Variants in SPI1 observed in about 807,000 individuals in gnomAD.
SPI1 encodes Spi-1 proto-oncogene, also known as transcription factor PU.1.
SPI1 carries 3 observed loss-of-function variants against 30.7 expected under a neutral mutation model. That is an observed-to-expected ratio of 0.10 (90% CI 0.04 to 0.25). The LOEUF is 0.25. Ranked by LOEUF, SPI1 falls within the 10% of genes least tolerant of loss-of-function variation. SPI1 has a pLI of 1.00. For synonymous variants in SPI1, 169 were observed against 157.1 expected (o/e 1.08, Z -0.56); for missense variants, 261 against 371.5 (o/e 0.70, Z 2.45).
chr11:47,364,998 C>T (rs893757083), intron 2 of SPI1, among the ~76,000 whole-genome samples: 2 of 152,168 alleles, frequency 1.3e-5, no homozygotes, highest in African/African-American at 4.8e-5. Context: ...CAATGGATAC[C>T]TCGCCTTTAC....
chr11:47,369,422 T>A (rs1461731306), intron 2 of SPI1, among the ~76,000 whole-genome samples: 1 of 152,102 alleles, frequency 6.6e-6, no homozygotes, highest in African/African-American at 2.4e-5. Flanking sequence ...ATGTTCTTTT[T>A]TCCAGCTCCT....
At chr11:47,358,347 C>T (rs1202666503) in intron 4 of SPI1, 5 of 587,660 alleles carry the variant, frequency 8.5e-6, no homozygotes, top group Non-Finnish European at 1.5e-5. Context: ...CACATCCCTG[C>T]TCACACAGGC....
rs566112239 is a variant in SPI1 at position 47,368,346 on chromosome 11, C to T, written c.142+7287G>A. Reference sequence around the variant, plus strand: ...TACCACTCCACTCCAGCCTGGGTGACAGGGTGAGACTCCGTCTCAAAAAAA... The same window carrying T: ...TACCACTCCACTCCAGCCTGGGTGATAGGGTGAGACTCCGTCTCAAAAAAA... On this transcript the variant is annotated intron_variant, in intron 2 of 4. Transcript: ENST00000378538. 5.3e-5 allele frequency among the ~76,000 whole-genome samples: 8 copies of T among 152,244 alleles called. No individual in the cohort carries two copies. In the South Asian group the frequency reaches 1.7e-3, roughly 32 times the overall value.
Position 47,375,787 on chromosome 11 carries a change from G to A in SPI1, c.46-58C>T, listed in dbSNP as rs1595864481. 1.4e-6 allele frequency: 2 copies of A among 1,403,904 alleles called. No individual in the cohort carries two copies. Among genetic ancestry groups the A allele is most frequent in the East Asian group, 2.3e-5 (1 of 43,802 alleles). 87.0% of individuals were successfully genotyped at this position (1,403,904 alleles called of 1,614,324 possible). ...ATGGTGGGAGACCCCAGCCAGGCCTGCAGCACCCCCGCACGCTGGGTCCCC... is the reference window on the plus strand; with the variant it reads ...ATGGTGGGAGACCCCAGCCAGGCCTACAGCACCCCCGCACGCTGGGTCCCC... On this transcript the variant is annotated intron_variant, in intron 1 of 4. Transcript: ENST00000378538. The surrounding 1 kb of genome is among the most constrained non-coding windows in gnomAD (Gnocchi z 4.2).
intron 4 of SPI1, among the ~76,000 whole-genome samples, chr11:47,357,661 G>C (rs11039199): frequency 0.26 from 39,396 of 152,184 alleles, 5,916 homozygotes; most frequent in Admixed American, 0.36. Context: ...CACCTCCCGG[G>C]TTCAAGCAAT....
intron 1 of SPI1, among the ~76,000 whole-genome samples, chr11:47,377,997 C>T (rs1222824451): frequency 6.6e-6 from 1 of 152,232 alleles, no homozygotes; most frequent in African/African-American, 2.4e-5. Flanking sequence ...CCACCGCCTT[C>T]ACCATCCTCA....
intron 2 of SPI1, among the ~76,000 whole-genome samples, chr11:47,370,061 C>A (rs577258232): frequency 9.2e-4 from 140 of 152,308 alleles, no homozygotes; most frequent in Non-Finnish European, 1.6e-3. Context: ...TTTCAGCAGC[C>A]TGGTTTCAGA....
rs905440479 is a variant in SPI1 at position 47,359,098 on chromosome 11, G to A, written c.331-92C>T. On this transcript the variant is annotated intron_variant, in intron 3 of 4. Coordinates refer to ENST00000378538, the MANE Select transcript of SPI1 (RefSeq NM_003120.3). The surrounding 1 kb of genome is among the most constrained non-coding windows in gnomAD (Gnocchi z 5.1). Reference sequence around the variant, plus strand: ...GAGGTCAGCTGGGGAGAGAAGGAGTGCAGAGGGCAGGGGACAATGGCAGGC... The same window carrying A: ...GAGGTCAGCTGGGGAGAGAAGGAGTACAGAGGGCAGGGGACAATGGCAGGC... The A allele has an allele frequency of 1.1e-5, 13 of 1,234,956 alleles. No individual in the cohort carries two copies. The South Asian group carries it at 1.9e-4, about 18-fold the overall frequency. 76.5% of individuals were successfully genotyped at this position (1,234,956 alleles called of 1,614,324 possible). A position where few individuals can be genotyped will look rare whatever the true frequency, so the allele number is the denominator to read the frequency against.
In SPI1 at chr11:47,378,379, TC is replaced by T. The variant is rs1433140362; in HGVS notation, c.-27del. 1 of 1,607,864 alleles carries T rather than the reference TC, an allele frequency of 6.2e-7. No homozygotes were observed. ...CCAGCCGGGCTCCGAGTCGGTCAGATCCCCTGCCTCGGTGGGGGCCAATGCA... is the reference window on the plus strand; with the variant it reads ...CCAGCCGGGCTCCGAGTCGGTCAGATCCCTGCCTCGGTGGGGGCCAATGCA... On this transcript the variant is annotated 5_prime_UTR_variant, in exon 1 of 5. Coordinates refer to ENST00000378538, the MANE Select transcript of SPI1 (RefSeq NM_003120.3).
intron 1 of SPI1, among the ~76,000 whole-genome samples, 159 bp downstream of exon 1, chr11:47,378,150 C>T (rs916952268): frequency 6.6e-6 from 1 of 152,258 alleles, no homozygotes; most frequent in African/African-American, 2.4e-5. Flanking sequence ...AGCCAATGGC[C>T]CCCTCGCTGG....
chr11:47,376,613 C>G (rs976194162), intron 1 of SPI1, among the ~76,000 whole-genome samples: 4 of 151,308 alleles, frequency 2.6e-5, no homozygotes, highest in Non-Finnish European at 5.9e-5. Flanking sequence ...CCTCTGTCCT[C>G]CTTTTCTTCC....
chr11:47,355,676 G>C, intron 4 of SPI1, 130 bp from the exon 5 acceptor site: 1 of 734,876 alleles, frequency 1.4e-6, no homozygotes, highest in Non-Finnish European at 2.2e-6. Flanking sequence ...GCCCCAGCCC[G>C]CGCCGGGCGT....
In SPI1 at chr11:47,358,870, C is replaced by A. The variant is rs1183981429; in HGVS notation, c.467G>T (p.Gly156Val). 1.3e-6 allele frequency: 2 copies of A among 1,551,462 alleles called. No homozygotes were observed. Among genetic ancestry groups the A allele is most frequent in the Non-Finnish European group, 1.7e-6 (2 of 1,146,818 alleles). Residue 156 changes from glycine (G) to valine (V), a missense_variant, in exon 4 of 5, where the codon GGG becomes GTG. Physicochemically the swap from Gly to Val is moderately radical, Grantham distance 109. Around this residue, in one of 5 missense-constraint regions of SPI1, gnomAD observed 106 missense variants for 102.0 expected, o/e 1.04. Transcript: ENST00000378538. ...TGTCTCCCCAGGCAGGAGCCCAGGC[C>A]CGGGCTCCAGGCCATCCGCCTCGCC... ...SDGEADGLEP[G>V]PGLLPGETGS...
intron 2 of SPI1, among the ~76,000 whole-genome samples, chr11:47,369,016 C>T (rs1166075364): frequency 3.9e-5 from 6 of 152,088 alleles, no homozygotes; most frequent in Admixed American, 3.3e-4. Context: ...GAGGCTGAGC[C>T]GGGTGGATCA....
At chr11:47,364,621 G>A (rs899428643) in intron 2 of SPI1, among the ~76,000 whole-genome samples, 1 of 152,082 alleles carries the variant, frequency 6.6e-6, no homozygotes, top group African/African-American at 2.4e-5. Context: ...GAGGGACCCT[G>A]AGTGCATGCA....
At chr11:47,361,877 C>G (rs1239707292) in intron 2 of SPI1, among the ~76,000 whole-genome samples, 1 of 143,834 alleles carries the variant, frequency 7.0e-6, no homozygotes, top group Non-Finnish European at 1.5e-5. Flanking sequence ...CCCGGAGCCT[C>G]TCATTCCCCA....
intron 4 of SPI1, among the ~76,000 whole-genome samples, chr11:47,356,801 C>T (rs537612405): frequency 7.3e-5 from 11 of 151,350 alleles, no homozygotes; most frequent in East Asian, 1.9e-4. Context: ...CACACTTGCA[C>T]GCACACACCT....
chr11:47,368,559 G>T (rs1247754500), intron 2 of SPI1, among the ~76,000 whole-genome samples: 2 of 152,220 alleles, frequency 1.3e-5, no homozygotes, highest in East Asian at 3.8e-4. Context: ...CGTGGCGCGC[G>T]CATACAATGG....
intron 2 of SPI1, among the ~76,000 whole-genome samples, chr11:47,365,664 C>T (rs1246568113): frequency 2.7e-5 from 2 of 72,890 alleles, no homozygotes; most frequent in Non-Finnish European, 6.6e-5. Context: ...TTAATGAAAA[C>T]TTTCAGTAAG....
Sources: allele counts gnomAD v4.1 joint callset (sites outside exome capture counted in the v4.1 genomes callset), GRCh38; gene constraint gnomAD v4.1.1; regional missense constraint gnomAD v4.1.1; non-coding constraint Gnocchi (gnomAD v3.1); transcripts MANE v1.5; gene names NCBI Gene and HGNC (gene_info 2026-07-23, HGNC 2026-07-21).